Variants in RNF121 observed in about 807,000 individuals in gnomAD.
RNF121 encodes the protein E3 ubiquitin ligase RNF121.
Under a neutral mutation model 46.5 loss-of-function variants are expected in RNF121, and 21 were observed. That is an observed-to-expected ratio of 0.45 (90% CI 0.32 to 0.65). RNF121 has a LOEUF of 0.65. Among genes scored for constraint, RNF121 ranks in the 30% least tolerant of loss-of-function variants. The probability of loss-of-function intolerance (pLI) is 0.04; values close to 1 mark genes in which losing one functional copy is unlikely to be tolerated. For missense variants in RNF121, 346 were observed against 416.0 expected (o/e 0.83, Z 1.46); for synonymous variants, 139 against 144.7 (o/e 0.96, Z 0.28).
At chr11:71,970,194 G>A (rs1334287205) in intron 3 of RNF121, among the ~76,000 whole-genome samples, 2 of 152,148 alleles carry the variant, frequency 1.3e-5, no homozygotes, top group African/African-American at 4.8e-5. Flanking sequence ...GAAACAGAAA[G>A]TAGAATGATG....
At chr11:71,984,513 C>T (rs1287941669) in intron 4 of RNF121, among the ~76,000 whole-genome samples, 1 of 152,032 alleles carries the variant, frequency 6.6e-6, no homozygotes, top group African/African-American at 2.4e-5. Context: ...ATCTCCTGAC[C>T]TCATGATCTG....
At chr11:71,946,823 C>T (rs1300563083) in intron 1 of RNF121, among the ~76,000 whole-genome samples, 1 of 150,114 alleles carries the variant, frequency 6.7e-6, no homozygotes, top group African/African-American at 2.4e-5. Context: ...AGTGGTTCTC[C>T]TGCTTCAGCC....
chr11:71,972,068 C>T (rs866356541), intron 3 of RNF121, among the ~76,000 whole-genome samples: 20 of 152,170 alleles, frequency 1.3e-4, no homozygotes, highest in South Asian at 2.1e-4. Flanking sequence ...ACATTAAGTA[C>T]CTGTAGGAAC....
intron 1 of RNF121, among the ~76,000 whole-genome samples, chr11:71,938,508 G>A (rs1230013606): frequency 6.6e-6 from 1 of 151,848 alleles, no homozygotes; most frequent in South Asian, 2.1e-4. Context: ...TAGTAGAGAC[G>A]TGGTTTCTCC....
chr11:71,942,361 T>C (rs976634934), intron 1 of RNF121, among the ~76,000 whole-genome samples: 3 of 152,158 alleles, frequency 2.0e-5, no homozygotes, highest in African/African-American at 7.2e-5. Context: ...GTTAGGAAGT[T>C]ATGGTAATAG....
chr11:71,991,866 A>C (rs1954868209), intron 6 of RNF121, among the ~76,000 whole-genome samples: 1 of 151,818 alleles, frequency 6.6e-6, no homozygotes, highest in South Asian at 2.1e-4. Flanking sequence ...TCACTTTGGG[A>C]GGCTGAGGCA....
chr11:71,996,345 C>T lies in RNF121; in HGVS notation c.*30C>T. The T allele has an allele frequency of 6.2e-7, 1 of 1,611,718 alleles. No homozygotes were observed. The highest frequency in any genetic ancestry group is 8.5e-7 in the Non-Finnish European group (1 of 1,178,736). ...GAAGAGCATCAGTGGAAAACCCACC[C>T]CACACGCCATGGACCTCAGGGCACT... On this transcript the variant is annotated 3_prime_UTR_variant, in exon 9 of 9. Coordinates refer to ENST00000361756, the MANE Select transcript of RNF121 (RefSeq NM_018320.5).
intron 1 of RNF121, among the ~76,000 whole-genome samples, chr11:71,947,972 T>C (rs1307280913): frequency 6.6e-6 from 1 of 152,164 alleles, no homozygotes; most frequent in Non-Finnish European, 1.5e-5. Flanking sequence ...GTATGGGCTG[T>C]AAAGGCCTTA....
chr11:71,936,372 A>T (rs1953410066), intron 1 of RNF121, among the ~76,000 whole-genome samples: 1 of 146,660 alleles, frequency 6.8e-6, no homozygotes, highest in Non-Finnish European at 1.5e-5. Context: ...CCCCCAGCTC[A>T]CCCTTGCTTT....
At chr11:71,949,876 C>T (rs1025325639) in intron 1 of RNF121, among the ~76,000 whole-genome samples, 2 of 151,870 alleles carry the variant, frequency 1.3e-5, no homozygotes, top group African/African-American at 4.8e-5. Context: ...GTGGCACGTA[C>T]CTGTAATCCC....
chr11:71,949,488 G>A (rs1324650007), intron 1 of RNF121, among the ~76,000 whole-genome samples: 4 of 152,134 alleles, frequency 2.6e-5, no homozygotes, highest in Admixed American at 2.6e-4. Flanking sequence ...GCCCAGGCAG[G>A]CAGATCACTT....
intron 3 of RNF121, among the ~76,000 whole-genome samples, chr11:71,966,958 G>A (rs1364239230): frequency 4.0e-5 from 6 of 148,246 alleles, no homozygotes; most frequent in Non-Finnish European, 7.4e-5. Context: ...TGCAAGCTCC[G>A]CTTCCCGGGT....
chr11:71,967,657 G>A (rs1282068635), intron 3 of RNF121, among the ~76,000 whole-genome samples: 3 of 151,730 alleles, frequency 2.0e-5, no homozygotes, highest in East Asian at 3.9e-4. Flanking sequence ...TCCTGACCTC[G>A]TGATCTGCCC....
In RNF121 at chr11:71,960,101, G is replaced by A. The variant is rs1052498163; in HGVS notation, c.102-649G>A. Among the ~76,000 whole-genome samples, 5 of 152,300 alleles carry A rather than the reference G, an allele frequency of 3.3e-5. No homozygotes were observed. The South Asian group carries it at 8.3e-4, about 25-fold the overall frequency. ...TTAGATTAATAAAAAGTTTCCAGCTGTACTCTCTAGTTACTAAACTTCCTT... is the reference window on the plus strand; with the variant it reads ...TTAGATTAATAAAAAGTTTCCAGCTATACTCTCTAGTTACTAAACTTCCTT... On this transcript the variant is annotated intron_variant, in intron 2 of 8. Coordinates refer to ENST00000361756, the MANE Select transcript of RNF121 (RefSeq NM_018320.5).
chr11:71,953,570 C>G (rs1405604434), intron 1 of RNF121, among the ~76,000 whole-genome samples: 1 of 151,924 alleles, frequency 6.6e-6, no homozygotes, highest in Non-Finnish European at 1.5e-5. Context: ...CTGCGATTTT[C>G]TGTTTCTTAA....
intron 1 of RNF121, among the ~76,000 whole-genome samples, chr11:71,950,029 A>G (rs1340481483): frequency 6.6e-6 from 1 of 151,984 alleles, no homozygotes; most frequent in Non-Finnish European, 1.5e-5. Context: ...ACACACACAC[A>G]CACAAAACTC....
At chr11:71,995,336 C>A in intron 7 of RNF121, 114 bp from the exon 8 acceptor site, 1 of 794,970 alleles carries the variant, frequency 1.3e-6, no homozygotes, top group Non-Finnish European at 2.1e-6. Flanking sequence ...CAGGGACTTG[C>A]CCAACATTAC....
intron 3 of RNF121, among the ~76,000 whole-genome samples, chr11:71,976,090 C>T (rs904373986): frequency 2.6e-5 from 4 of 152,220 alleles, no homozygotes; most frequent in African/African-American, 9.6e-5. Flanking sequence ...CTTCAGATAT[C>T]ATTTATCTGA....
rs961789633 is a variant in RNF121 at position 71,990,573 on chromosome 11, C to G, written c.507-24C>G. 9.3e-6 allele frequency: 15 copies of G among 1,612,544 alleles called. No individual in the cohort carries two copies. The African/African-American group carries it at 1.9e-4, about 20-fold the overall frequency. On this transcript the variant is annotated intron_variant, in intron 5 of 8. Transcript: ENST00000361756. ...AAGATATGTCTCAGGGTGGGTCTTT[C>G]TAGCTCTAATGCTTCCCTTGCAGGA...
Sources: allele counts gnomAD v4.1 joint callset (sites outside exome capture counted in the v4.1 genomes callset), GRCh38; gene constraint gnomAD v4.1.1; transcripts MANE v1.5; gene names NCBI Gene and HGNC (gene_info 2026-07-23, HGNC 2026-07-21).